GARRE1: variants seen among roughly 807,000 people sequenced by gnomAD.
The protein encoded by GARRE1 is granule associated Rac and RHOG effector 1, also known as granule associated Rac and RHOG effector protein 1.
A neutral mutation model predicts 103.2 loss-of-function variants in GARRE1; 49 were observed. The observed-to-expected ratio is 0.47, with a 90% confidence interval of 0.38 to 0.60. The LOEUF (loss-of-function observed/expected upper bound fraction) is 0.60, where lower values mean the gene tolerates loss of function less well. Ranked by LOEUF, GARRE1 falls within the 20% of genes least tolerant of loss-of-function variation. The pLI, the probability that GARRE1 is intolerant of heterozygous loss-of-function variation, is 0.00. For synonymous variants in GARRE1, 505 were observed against 532.8 expected, an observed-to-expected ratio of 0.95 and a Z score of 0.72; for missense variants, 1,199 against 1,370.5, an observed-to-expected ratio of 0.87 and a Z score of 1.98.
chr19:34,267,214 G>T lies in GARRE1; in HGVS notation c.-796+12600G>T, dbSNP rs376265497. Among the ~76,000 whole-genome samples the T allele has an allele frequency of 5.0e-4, 76 of 152,180 alleles. 1 individual carries two copies. The East Asian group carries it at 9.7e-3, about 19-fold the overall frequency. The stretch of plus-strand genomic sequence containing the variant: ...CGGGAGATCAAGGCTGCAGTGAGCC[G>T]CGATCACACAACTGCAGTACTCTAG... On this transcript the variant is annotated intron_variant, in intron 1 of 13. Coordinates refer to ENST00000299505, the MANE Select transcript of GARRE1 (RefSeq NM_014686.5).
In GARRE1 at chr19:34,279,916, C is replaced by T. The variant is rs1412680113; in HGVS notation, c.-795-19763C>T. Among the ~76,000 whole-genome samples the T allele has an allele frequency of 2.9e-5, 4 of 139,162 alleles. No individual in the cohort carries two copies. In the Admixed American group the frequency reaches 3.0e-4, roughly 11 times the overall value. 91.3% of individuals were successfully genotyped at this position (139,162 alleles called of 152,430 possible). A position where few individuals can be genotyped will look rare whatever the true frequency, so the allele number is the denominator to read the frequency against. ...AGGAGAATGGCGTGAACCCGGGAGG[C>T]GGAGCTTGCAGTGAGCCGAGATCCC... On this transcript the variant is annotated intron_variant, in intron 1 of 13. Transcript: ENST00000299505.
At chr19:34,282,261 C>T (rs977964285) in intron 1 of GARRE1, among the ~76,000 whole-genome samples, 1 of 37,446 alleles carries the variant, frequency 2.7e-5, no homozygotes, top group African/African-American at 5.5e-5. Flanking sequence ...AAGCAATTCT[C>T]CTGCCTTGGC....
At chr19:34,296,628 C>T (rs2145237066) in intron 1 of GARRE1, 1 of 1,212,210 alleles carries the variant, frequency 8.2e-7, no homozygotes, top group Non-Finnish European at 1.2e-6. Context: ...CCTCAGGAAC[C>T]TGGGGTCCAT....
chr19:34,344,558 T>C (rs1599782328), intron 10 of GARRE1, among the ~76,000 whole-genome samples: 1 of 138,030 alleles, frequency 7.2e-6, no homozygotes, highest in Non-Finnish European at 1.5e-5. Flanking sequence ...GCCACTGCAC[T>C]CCAGCCTGGG....
intron 1 of GARRE1, among the ~76,000 whole-genome samples, chr19:34,291,861 CT>C (rs35386109): frequency 2.1e-3 from 292 of 142,032 alleles, no homozygotes; most frequent in Middle Eastern, 3.7e-3. Context: ...CATAAATCTA[CT>C]TTTTTTTTTT....
intron 10 of GARRE1, among the ~76,000 whole-genome samples, chr19:34,346,055 C>A (rs1182767888): frequency 1.3e-5 from 2 of 152,128 alleles, no homozygotes; most frequent in African/African-American, 2.4e-5. Context: ...AATCAGAGGG[C>A]GCCATCTAGT....
At chr19:34,285,948 G>T (rs188413925) in intron 1 of GARRE1, among the ~76,000 whole-genome samples, 1 of 152,328 alleles carries the variant, frequency 6.6e-6, no homozygotes, top group East Asian at 1.9e-4. Context: ...CCCCAGGCGT[G>T]ACTGTGATAC....
intron 1 of GARRE1, among the ~76,000 whole-genome samples, chr19:34,292,282 C>G (rs945511152): frequency 1.3e-5 from 2 of 152,188 alleles, no homozygotes; most frequent in Non-Finnish European, 2.9e-5. Flanking sequence ...AAGGTTCGTC[C>G]ATATTGTAGC....
chr19:34,297,193 C>CA (rs1394375392), intron 1 of GARRE1, among the ~76,000 whole-genome samples: 2 of 151,980 alleles, frequency 1.3e-5, no homozygotes, highest in Non-Finnish European at 2.9e-5. Context: ...GAGGCTGAGG[C>CA]AGGAGAATCA....
At chr19:34,264,182 C>T (rs2073736961) in intron 1 of GARRE1, among the ~76,000 whole-genome samples, 1 of 152,138 alleles carries the variant, frequency 6.6e-6, no homozygotes, top group Admixed American at 6.5e-5. Flanking sequence ...GCAGAGGCTG[C>T]AGGAGTCAGA....
intron 9 of GARRE1, among the ~76,000 whole-genome samples, chr19:34,341,199 C>T (rs563908345): frequency 3.3e-5 from 5 of 152,104 alleles, no homozygotes; most frequent in Non-Finnish European, 7.4e-5. Flanking sequence ...GAATCACACT[C>T]CTCAGGCCAG....
chr19:34,312,143 A>G (rs1383054691), intron 2 of GARRE1, among the ~76,000 whole-genome samples: 2 of 151,938 alleles, frequency 1.3e-5, no homozygotes, highest in East Asian at 1.9e-4. Context: ...TTGTTTTGTT[A>G]TATGTAGATA....
rs1168925619 is a variant in GARRE1, at chr19:34,352,979, C to T, written c.*24C>T. On this transcript the variant is annotated 3_prime_UTR_variant, in exon 14 of 14. Transcript: ENST00000299505. ...GACCCCAGGCCAGCCAGCCTGCCTG[C>T]CTGCCTGCCTGCCCGCCCAGAGCTG... The T allele has an allele frequency of 6.7e-7, 1 of 1,484,340 alleles. No homozygotes were observed. Among genetic ancestry groups the T allele is most frequent in the East Asian group, 2.5e-5 (1 of 39,524 alleles). The allele number at this position is 1,484,340 out of a possible 1,614,324, so 91.9% of individuals were successfully genotyped here.
At chr19:34,303,909 T>C (rs1445588498) in intron 2 of GARRE1, among the ~76,000 whole-genome samples, 1 of 152,060 alleles carries the variant, frequency 6.6e-6, no homozygotes. Flanking sequence ...AAGCCACCGC[T>C]CCCGGCCTTG....
At chr19:34,278,001 G>A (rs535365238) in intron 1 of GARRE1, among the ~76,000 whole-genome samples, 4 of 142,002 alleles carry the variant, frequency 2.8e-5, no homozygotes. Flanking sequence ...TATCATTATT[G>A]ACTCACTTTT....
intron 1 of GARRE1, chr19:34,296,370 G>T: frequency 7.4e-7 from 1 of 1,349,590 alleles, no homozygotes; most frequent in Non-Finnish European, 1.0e-6. Flanking sequence ...TTGATCCTTG[G>T]CCTTGGCCTT....
intron 3 of GARRE1, among the ~76,000 whole-genome samples, chr19:34,322,149 T>G (rs2074092277): frequency 6.6e-6 from 1 of 152,186 alleles, no homozygotes; most frequent in Admixed American, 6.5e-5. Context: ...AAAGTCTGTT[T>G]TAAGGAGACT....
chr19:34,290,022 A>G (rs955840473), intron 1 of GARRE1, among the ~76,000 whole-genome samples: 1 of 152,178 alleles, frequency 6.6e-6, no homozygotes, highest in Non-Finnish European at 1.5e-5. Context: ...ATGGGAGTTT[A>G]TGTCCTGATA....
rs770695939 is a variant in GARRE1, at chr19:34,347,865, G to A, written c.2522-12G>A. The A allele has an allele frequency of 1.3e-6, 2 of 1,529,012 alleles. No individual in the cohort carries two copies. Among genetic ancestry groups the A allele is most frequent in the East Asian group, 2.5e-5 (1 of 40,210 alleles). 94.7% of individuals were successfully genotyped at this position (1,529,012 alleles called of 1,614,324 possible). A position where few individuals can be genotyped will look rare whatever the true frequency, so the allele number is the denominator to read the frequency against. On this transcript the variant is annotated splice_polypyrimidine_tract_variant and intron_variant, in intron 10 of 13. Transcript: ENST00000299505. ...GTCCCCAAACCCGGTTTATTCCTTT[G>A]TCCCAATGCAGTGGGCTCAGACCCA...
Sources: allele counts gnomAD v4.1 joint callset (sites outside exome capture counted in the v4.1 genomes callset), GRCh38; gene constraint gnomAD v4.1.1; transcripts MANE v1.5; gene names NCBI Gene and HGNC (gene_info 2026-07-23, HGNC 2026-07-21).